CLVS1: variants seen among roughly 807,000 people sequenced by gnomAD.
CLVS1 encodes clavesin-1.
CLVS1 carries 10 observed loss-of-function variants against 33.1 expected under a neutral mutation model. The ratio of observed to expected loss-of-function variants is 0.30; its 90% CI spans 0.19 to 0.51. The LOEUF (loss-of-function observed/expected upper bound fraction) is 0.51. Among genes scored for constraint, CLVS1 ranks in the 20% least tolerant of loss-of-function variants. The pLI, the probability that CLVS1 is intolerant of heterozygous loss-of-function variation, is 0.97. For synonymous variants in CLVS1, 163 were observed against 166.1 expected (o/e 0.98, Z 0.14); for missense variants, 343 against 433.4 (o/e 0.79, Z 1.85).
intron 2 of CLVS1, among the ~76,000 whole-genome samples, chr8:61,240,608 TACATTC>T (rs1480203593): frequency 6.6e-6 from 1 of 152,274 alleles, no homozygotes; most frequent in Non-Finnish European, 1.5e-5. Flanking sequence ...TCCCAGTGCC[TACATTC>T]ACCTTAATTG....
chr8:61,188,720 G>A (rs1343750334), intron 2 of CLVS1, among the ~76,000 whole-genome samples: 1 of 152,048 alleles, frequency 6.6e-6, no homozygotes, highest in Non-Finnish European at 1.5e-5. Flanking sequence ...CATGTATGTA[G>A]CATAGCATGG....
chr8:61,197,301 T>C (rs1406456692), intron 2 of CLVS1, among the ~76,000 whole-genome samples: 1 of 152,216 alleles, frequency 6.6e-6, no homozygotes, highest in Non-Finnish European at 1.5e-5. Flanking sequence ...CAGTGTATGT[T>C]CTTGGCCCCT....
intron 2 of CLVS1, among the ~76,000 whole-genome samples, chr8:61,237,603 A>G (rs188410135): frequency 1.3e-3 from 201 of 152,314 alleles, no homozygotes; most frequent in South Asian, 2.9e-3. Context: ...AGAGAGGTAA[A>G]GTGAATTATC....
At chr8:61,372,826 G>A (rs1019301310) in intron 2 of CLVS1, among the ~76,000 whole-genome samples, 1 of 152,086 alleles carries the variant, frequency 6.6e-6, no homozygotes, top group Non-Finnish European at 1.5e-5. Context: ...TTACTCTTGG[G>A]TTATATTTAT....
intron 2 of CLVS1, among the ~76,000 whole-genome samples, chr8:61,255,871 G>A (rs542979393): frequency 2.0e-5 from 3 of 152,166 alleles, no homozygotes; most frequent in South Asian, 2.1e-4. Flanking sequence ...TAAGGAATGC[G>A]TAATTCAACT....
At chr8:61,293,822 TATTA>T (rs1339043552) in intron 1 of CLVS1, among the ~76,000 whole-genome samples, 2 of 152,154 alleles carry the variant, frequency 1.3e-5, no homozygotes, top group African/African-American at 4.8e-5. Flanking sequence ...TTGTCACCGG[TATTA>T]ATTTTTCATC....
rs137947857 is a variant in CLVS1 at position 61,458,631 on chromosome 8, C to G, written c.977+89C>G. ...CTATTGTGAATTATTAATTAAAGAC[C>G]TTTATGGGCAGAGAACTTGAATAAA... On this transcript the variant is annotated intron_variant, in intron 5 of 5. Transcript: ENST00000325897. 6,005 of 819,146 alleles carry G rather than the reference C, an allele frequency of 7.3e-3. 44 individuals carry two copies. The highest frequency in any genetic ancestry group is 9.7e-3 in the Non-Finnish European group (5,115 of 529,358). The allele number at this position is 819,146 out of a possible 1,614,324, so 50.7% of individuals were successfully genotyped here.
Position 61,070,164 on chromosome 8 carries a change from C to G in CLVS1, c.-243+12934C>G, listed in dbSNP as rs139431386. 4.0e-3 allele frequency among the ~76,000 whole-genome samples: 608 copies of G among 152,252 alleles called. 6 individuals are homozygous for G. Among genetic ancestry groups the G allele is most frequent in the African/African-American group, 0.014 (577 of 41,540 alleles). On this transcript the variant is annotated intron_variant, in intron 1 of 2. Transcript: ENST00000522621. ...CTCGTGTTCTGCCTGCCCCTGAGGC[C>G]CTGTCCTCAGGGTTCTGCCTTCTGC...
At chr8:61,496,116 G>T (rs1250406817) in intron 5 of CLVS1, among the ~76,000 whole-genome samples, 1 of 152,214 alleles carries the variant, frequency 6.6e-6, no homozygotes, top group African/African-American at 2.4e-5. Flanking sequence ...TTATGTTCAA[G>T]AAGAGGCTGC....
the CLVS1 span, among the ~76,000 whole-genome samples, chr8:61,030,206 C>T: frequency 6.6e-6 from 1 of 151,234 alleles, no homozygotes. Context: ...GGCTTTAAAA[C>T]ATTTAATTCA....
intron 2 of CLVS1, among the ~76,000 whole-genome samples, chr8:61,212,642 T>TA (rs1807994811): frequency 6.6e-6 from 1 of 152,108 alleles, no homozygotes; most frequent in Non-Finnish European, 1.5e-5. Context: ...GTCACAGTGA[T>TA]AGGAGCTAAG....
At chr8:61,033,058 A>G in the CLVS1 span, among the ~76,000 whole-genome samples, 272 of 59,414 alleles carry the variant, frequency 4.6e-3, 4 homozygotes, top group African/African-American at 0.013. Flanking sequence ...AAAGAAAGAA[A>G]GATAGAAAGA....
At chr8:61,317,198 G>A (rs1303252527) in intron 2 of CLVS1, among the ~76,000 whole-genome samples, 1 of 152,166 alleles carries the variant, frequency 6.6e-6, no homozygotes, top group African/African-American at 2.4e-5. Flanking sequence ...AAGTTACGTT[G>A]TCTGGTGAGG....
intron 2 of CLVS1, among the ~76,000 whole-genome samples, chr8:61,251,324 A>T (rs1010663855): frequency 2.0e-5 from 3 of 152,128 alleles, no homozygotes; most frequent in African/African-American, 7.2e-5. Flanking sequence ...CCAGTATTTT[A>T]TTGAGGATTT....
At chr8:61,045,435 G>A in the CLVS1 span, among the ~76,000 whole-genome samples, 2 of 152,174 alleles carry the variant, frequency 1.3e-5, no homozygotes, top group Non-Finnish European at 1.5e-5. Flanking sequence ...GTGTGGCAGT[G>A]TGCAGACAAC....
chr8:61,103,110 A>G (rs552795545), intron 1 of CLVS1, among the ~76,000 whole-genome samples: 9 of 152,334 alleles, frequency 5.9e-5, no homozygotes, highest in African/African-American at 2.2e-4. Context: ...TTGGCAAATG[A>G]TGTAACACAA....
chr8:61,046,322 G>T, the CLVS1 span, among the ~76,000 whole-genome samples: 3 of 145,476 alleles, frequency 2.1e-5, no homozygotes, highest in South Asian at 6.6e-4. Context: ...TATTTCTGAG[G>T]CCTCTGTTCT....
intron 2 of CLVS1, among the ~76,000 whole-genome samples, chr8:61,302,879 C>T (rs1360829370): frequency 2.0e-5 from 3 of 152,104 alleles, no homozygotes; most frequent in Admixed American, 6.5e-5. Flanking sequence ...CATAGTGGAG[C>T]AGGAGAGAGA....
intron 3 of CLVS1, among the ~76,000 whole-genome samples, chr8:61,408,540 G>T (rs1437760665): frequency 6.6e-6 from 1 of 152,184 alleles, no homozygotes; most frequent in Non-Finnish European, 1.5e-5. Flanking sequence ...TGGGTTTTGT[G>T]TGCCTCTAGC....
Sources: allele counts gnomAD v4.1 joint callset (sites outside exome capture counted in the v4.1 genomes callset), GRCh38; gene constraint gnomAD v4.1.1; transcripts MANE v1.5; gene names NCBI Gene and HGNC (gene_info 2026-07-23, HGNC 2026-07-21).